The following MCM4 variants were observed in gnomAD, a reference collection of about 807,000 sequenced individuals.
MCM4 encodes the protein minichromosome maintenance complex component 4, also known as DNA replication licensing factor MCM4.
MCM4 carries 60 observed loss-of-function variants against 88.7 expected under a neutral mutation model. That is an observed-to-expected ratio of 0.68 (90% confidence interval 0.55 to 0.84). The LOEUF (loss-of-function observed/expected upper bound fraction) is 0.84. Ranked by LOEUF, MCM4 falls within the 40% of genes least tolerant of loss-of-function variation. The pLI, the probability that MCM4 is intolerant of heterozygous loss-of-function variation, is 0.00. For missense variants in MCM4, 1,149 were observed against 1,105.5 expected (o/e 1.04, Z -0.56); for synonymous variants, 465 against 410.5 (o/e 1.13, Z -1.61).
At position 47,976,751 on chromosome 8, in the gene MCM4, G is replaced by C; in HGVS notation, c.2565G>C (p.Val855=). Reference sequence around the variant, plus strand: ...TGGCAGATGATGATTTCCTGACAGTGACTGGGAAGACCGTGCGCTTGCTCT... The same window carrying C: ...TGGCAGATGATGATTTCCTGACAGTCACTGGGAAGACCGTGCGCTTGCTCT... ...RALADDDFLT[V]TGKTVRLL The change falls in exon 17 of 17, where the codon GTG becomes GTC. Residue 855 remains valine, a synonymous_variant. Coordinates refer to ENST00000649973, the MANE Select transcript of MCM4 (RefSeq NM_182746.3). The C allele has an allele frequency of 6.2e-7, 1 of 1,613,316 alleles. No individual in the cohort carries two copies. The highest frequency in any genetic ancestry group is 8.5e-7 in the Non-Finnish European group (1 of 1,179,432).
In MCM4 at chr8:47,976,960, C is replaced by T. The variant is rs1282906948; in HGVS notation, c.*182C>T. The T allele has an allele frequency of 1.6e-5, 8 of 494,520 alleles. No homozygotes were observed. Among genetic ancestry groups the T allele is most frequent in the Admixed American group, 1.0e-4 (3 of 29,736 alleles). 30.6% of individuals were successfully genotyped at this position (494,520 alleles called of 1,614,324 possible). A position where few individuals can be genotyped will look rare whatever the true frequency, so the allele number is the denominator to read the frequency against. On this transcript the variant is annotated 3_prime_UTR_variant, in exon 17 of 17. Coordinates refer to ENST00000649973, the MANE Select transcript of MCM4 (RefSeq NM_182746.3). ...GAAGTATCTGTTTTCATTTTTTTCACGTTATAAATAAAAATACTATGCTGG... is the reference window on the plus strand; with the variant it reads ...GAAGTATCTGTTTTCATTTTTTTCATGTTATAAATAAAAATACTATGCTGG...
intron 1 of MCM4, 33 bp from the exon 2 acceptor site, chr8:47,961,098 C>T (rs748078650): frequency 2.0e-6 from 3 of 1,512,234 alleles, no homozygotes; most frequent in Non-Finnish European, 1.8e-6. Context: ...AGCCGGGAGG[C>T]GGGCCCGGCC....
At position 47,966,212 on chromosome 8, in the gene MCM4, C is replaced by T. The variant is rs17334388; in HGVS notation, c.858C>T (p.Ser286=). The change falls in exon 9 of 17, where the codon AGC becomes AGT. Residue 286 remains serine, a synonymous_variant. Transcript: ENST00000649973. ...ACATTGACCAGCTCATCACCATCAG[C>T]GGCATGGTGATCAGGACATCCCAGC... The part of the protein sequence containing the change: ...PEDIDQLITI[S]GMVIRTSQLI... The T allele has an allele frequency of 3.8e-3, 6,173 of 1,613,718 alleles. 62 individuals carry two copies. The highest frequency in any genetic ancestry group is 0.025 in the South Asian group (2,281 of 91,056).
rs17334395 is a variant in MCM4 at position 47,966,411 on chromosome 8, C to T, written c.1053+4C>T. 5.0e-4 allele frequency: 794 copies of T among 1,602,000 alleles called. 4 individuals carry two copies. The African/African-American group carries it at 9.5e-3, about 19-fold the overall frequency. Reference sequence around the variant, plus strand: ...CCTCTTCTCTGACAAGCAGATGGTGCGCAGCCACCCTGGCCCCCCAGGCTA... The same window carrying T: ...CCTCTTCTCTGACAAGCAGATGGTGTGCAGCCACCCTGGCCCCCCAGGCTA... On this transcript the variant is annotated splice_donor_region_variant and intron_variant, in intron 9 of 16. Transcript: ENST00000649973.
In MCM4 at chr8:47,967,224, AAAT is replaced by A. The variant is rs1449380119; in HGVS notation, c.1054-137_1054-135del. On this transcript the variant is annotated intron_variant, in intron 9 of 16. Coordinates refer to ENST00000649973, the MANE Select transcript of MCM4 (RefSeq NM_182746.3). ...TCTTTAGAAGAAGTAATTTCTAAGG[AAAT>A]AATGAGAAACATGGACAATCATTTA... 3 of 914,846 alleles carry A rather than the reference AAAT, an allele frequency of 3.3e-6. No homozygotes were observed. The African/African-American group carries it at 5.1e-5, about 15-fold the overall frequency. The allele number at this position is 914,846 out of a possible 1,614,324, so 56.7% of individuals were successfully genotyped here.
chr8:47,972,304 C>A (rs2090960721), intron 13 of MCM4, among the ~76,000 whole-genome samples: 1 of 151,570 alleles, frequency 6.6e-6, no homozygotes, highest in Non-Finnish European at 1.5e-5. Context: ...GGGAAGACTT[C>A]CTTTGACTCA....
At position 47,967,488 on chromosome 8, in the gene MCM4, A is replaced by C; in HGVS notation, c.1174+3A>C. On this transcript the variant is annotated splice_donor_region_variant and intron_variant, in intron 10 of 16. Transcript: ENST00000649973. ...TGGGGACAGAGTGAATGTTACAGGT[A>C]AGAGTGTAGGTTTGCACCAGCACTT... The C allele has an allele frequency of 6.2e-7, 1 of 1,614,142 alleles. No homozygotes were observed. The highest frequency in any genetic ancestry group is 8.5e-7 in the Non-Finnish European group (1 of 1,179,990).
chr8:47,962,449 T>C (rs1416109304), intron 5 of MCM4, 43 bp downstream of exon 5: 2 of 1,587,048 alleles, frequency 1.3e-6, no homozygotes, highest in East Asian at 2.2e-5. Context: ...GCTCTGAAAA[T>C]GTTGGGAGAC....
In MCM4 at chr8:47,960,986, C is replaced by T. The variant is rs2090815275; in HGVS notation, c.-43C>T. 5.8e-6 allele frequency: 4 copies of T among 688,024 alleles called. No homozygotes were observed. Among genetic ancestry groups the T allele is most frequent in the Admixed American group, 4.3e-5 (1 of 23,330 alleles). 42.6% of individuals were successfully genotyped at this position (688,024 alleles called of 1,614,324 possible). On this transcript the variant is annotated 5_prime_UTR_variant, in exon 1 of 17. Transcript: ENST00000649973. ...GCCAGGTGGACTCGGAGTCCGCGAGCGTCGTCGGCAAGCGGCCGCCTTTCC... is the reference window on the plus strand; with the variant it reads ...GCCAGGTGGACTCGGAGTCCGCGAGTGTCGTCGGCAAGCGGCCGCCTTTCC...
intron 1 of MCM4, 58 bp downstream of exon 1, chr8:47,961,072 C>T: frequency 2.1e-6 from 3 of 1,448,214 alleles, no homozygotes; most frequent in Non-Finnish European, 2.7e-6. Context: ...GTCCGCGCTG[C>T]GGAGCAGGGC....
chr8:47,961,226 G>C lies in MCM4; in HGVS notation c.70+12G>C, dbSNP rs919918007. The C allele has an allele frequency of 2.0e-6, 3 of 1,497,106 alleles. No homozygotes were observed. The highest frequency in any genetic ancestry group is 2.9e-5 in the African/African-American group (2 of 68,768). 92.7% of individuals were successfully genotyped at this position (1,497,106 alleles called of 1,614,324 possible). A position where few individuals can be genotyped will look rare whatever the true frequency, so the allele number is the denominator to read the frequency against. The stretch of plus-strand genomic sequence containing the variant: ...CCCCGCCCAGACGCGTGAGTCCCCC[G>C]AGCCGGGCCCACTACAGCCCCCGGC... On this transcript the variant is annotated intron_variant, in intron 2 of 16. Coordinates refer to ENST00000649973, the MANE Select transcript of MCM4 (RefSeq NM_182746.3).
Position 47,962,052 on chromosome 8 carries a change from G to C in MCM4, c.236-1G>C. 1.2e-6 allele frequency: 2 copies of C among 1,613,818 alleles called. No homozygotes were observed. The highest frequency in any genetic ancestry group is 1.7e-6 in the Non-Finnish European group (2 of 1,179,882). On this transcript the variant is annotated splice_acceptor_variant, in intron 3 of 16. Transcript: ENST00000649973. LOFTEE classifies it high-confidence loss of function. ...AGAATTTCCTAATTTTGTTTTTATA[G>C]CTATCCCTCTTGACTTTGATGTTAG...
chr8:47,969,720 T>A, intron 10 of MCM4, 78 bp from the exon 11 acceptor site: 1 of 1,481,920 alleles, frequency 6.7e-7, no homozygotes, highest in Non-Finnish European at 9.3e-7. Context: ...GAAGTGCACC[T>A]GTTGCCTACG....
At chr8:47,968,719 A>T (rs1404613433) in intron 10 of MCM4, among the ~76,000 whole-genome samples, 1 of 152,252 alleles carries the variant, frequency 6.6e-6, no homozygotes, top group Non-Finnish European at 1.5e-5. Flanking sequence ...CCCACTGAAT[A>T]AACAAGGACA....
chr8:47,964,875 T>C (rs1185997091), intron 8 of MCM4, among the ~76,000 whole-genome samples, 163 bp downstream of exon 8: 2 of 152,256 alleles, frequency 1.3e-5, no homozygotes, highest in African/African-American at 2.4e-5. Context: ...TATATACTTA[T>C]GAACCCCCTA....
At chr8:47,970,374 T>A in intron 11 of MCM4, 137 bp from the exon 12 acceptor site, 1 of 1,128,714 alleles carries the variant, frequency 8.9e-7, no homozygotes, top group Non-Finnish European at 1.3e-6. Flanking sequence ...TCAAGCACTT[T>A]CACGAGCCTT....
intron 11 of MCM4, 25 bp downstream of exon 11, chr8:47,970,082 G>A (rs372362231): frequency 4.1e-5 from 66 of 1,607,738 alleles, no homozygotes; most frequent in Non-Finnish European, 5.4e-5. Flanking sequence ...TAAACTAGGG[G>A]TTGGGATTTA....
At chr8:47,971,229 A>C (rs904541106) in intron 12 of MCM4, 112 bp from the exon 13 acceptor site, 2 of 1,276,598 alleles carry the variant, frequency 1.6e-6, no homozygotes, top group Non-Finnish European at 2.2e-6. Context: ...TGGCTCAGGC[A>C]ATAGAAACTC....
Position 47,977,473 on chromosome 8 carries a change from T to C in MCM4, c.*695T>C, listed in dbSNP as rs959181071. On this transcript the variant is annotated 3_prime_UTR_variant, in exon 17 of 17. Coordinates refer to ENST00000649973, the MANE Select transcript of MCM4 (RefSeq NM_182746.3). ...GGCATAGCCTGGGCATATCACCTCATTGGTAAAGGGCTAGAGCCTTTCTTT... is the reference window on the plus strand; with the variant it reads ...GGCATAGCCTGGGCATATCACCTCACTGGTAAAGGGCTAGAGCCTTTCTTT... 1 of 152,242 alleles carries C rather than the reference T, an allele frequency of 6.6e-6. No homozygotes were observed. Among genetic ancestry groups the C allele is most frequent in the Non-Finnish European group, 1.5e-5 (1 of 68,096 alleles). The allele number at this position is 152,242 out of a possible 1,614,324, so 9.4% of individuals were successfully genotyped here.
Sources: gnomAD v4.1 joint callset for allele counts (sites outside exome capture counted in the v4.1 genomes callset) on GRCh38, gnomAD v4.1.1 for gene constraint, MANE v1.5 for transcripts, NCBI Gene and HGNC (gene_info 2026-07-23, HGNC 2026-07-21) for gene names.